ALDH5A1: variants seen among roughly 807,000 people sequenced by gnomAD.
ALDH5A1 encodes aldehyde dehydrogenase 5 family member A1, also known as succinate-semialdehyde dehydrogenase, mitochondrial.
ALDH5A1 carries 33 observed loss-of-function variants against 54.7 expected under a neutral mutation model. That is an observed-to-expected ratio of 0.60 (90% CI 0.46 to 0.81). The LOEUF (loss-of-function observed/expected upper bound fraction) is 0.81. Ranked by LOEUF, ALDH5A1 falls within the 30% of genes least tolerant of loss-of-function variation. The pLI is 0.00. For missense variants in ALDH5A1, 657 were observed against 711.0 expected (o/e 0.92, Z 0.86); for synonymous variants, 294 against 292.7 (o/e 1.00, Z -0.05).
At chr6:24,525,742 G>A (rs1399213008) in intron 7 of ALDH5A1, among the ~76,000 whole-genome samples, 1 of 152,082 alleles carries the variant, frequency 6.6e-6, no homozygotes, top group Non-Finnish European at 1.5e-5. Context: ...CTACCCAGGG[G>A]AACCCTGCAG....
In ALDH5A1 at chr6:24,499,620, G is replaced by A. The variant is rs1224599424; in HGVS notation, c.355-2903G>A. Among the ~76,000 whole-genome samples the A allele has an allele frequency of 2.0e-5, 3 of 151,072 alleles. 1 individual carries two copies. Among genetic ancestry groups the A allele is most frequent in the Non-Finnish European group, 4.4e-5 (3 of 67,850 alleles). On this transcript the variant is annotated intron_variant, in intron 1 of 9. Coordinates refer to ENST00000357578, the MANE Select transcript of ALDH5A1 (RefSeq NM_001080.3). ...CGATTCCCCCACCTCAGCCTTCTGA[G>A]TAGCTGGGACCACAAGCATGCACCA...
intron 4 of ALDH5A1, among the ~76,000 whole-genome samples, chr6:24,514,698 C>T (rs1252141621): frequency 2.0e-5 from 3 of 151,866 alleles, no homozygotes; most frequent in African/African-American, 7.3e-5. Context: ...CCAATGCACT[C>T]CAGCCTGGGT....
chr6:24,535,962 A>ATATT lies in ALDH5A1; in HGVS notation c.*2252_*2255dup, dbSNP rs1466382846. The ATATT allele has an allele frequency of 6.6e-6, 1 of 152,218 alleles. No homozygotes were observed. The highest frequency in any genetic ancestry group is 2.4e-5 in the African/African-American group (1 of 41,462). 9.4% of individuals were successfully genotyped at this position (152,218 alleles called of 1,614,324 possible). On this transcript the variant is annotated 3_prime_UTR_variant, in exon 10 of 10. Coordinates refer to ENST00000357578, the MANE Select transcript of ALDH5A1 (RefSeq NM_001080.3). Reference sequence around the variant, plus strand: ...GGTGGCAAATTTTGAGTCTTCTTGCATATTTGGCTCATGGGTTCATAAATT... The same window carrying ATATT: ...GGTGGCAAATTTTGAGTCTTCTTGCATATTTATTTGGCTCATGGGTTCATAAATT...
chr6:24,499,673 T>TC (rs980532309), intron 1 of ALDH5A1, among the ~76,000 whole-genome samples: 2 of 149,406 alleles, frequency 1.3e-5, no homozygotes, highest in African/African-American at 4.9e-5. Context: ...CTTTTCTTTT[T>TC]TTTTTTTTTT....
chr6:24,517,321 T>G (rs1383242593), intron 5 of ALDH5A1, among the ~76,000 whole-genome samples: 2 of 152,176 alleles, frequency 1.3e-5, no homozygotes, highest in African/African-American at 4.8e-5. Flanking sequence ...AATGTACTTT[T>G]AATGTCTCCC....
chr6:24,520,278 G>A (rs985072754), intron 5 of ALDH5A1, 123 bp from the exon 6 acceptor site: 1 of 1,081,320 alleles, frequency 9.2e-7, no homozygotes. Context: ...CTTATGCAAA[G>A]TTATCCCATG....
chr6:24,510,533 G>A (rs1414056282), intron 4 of ALDH5A1, among the ~76,000 whole-genome samples: 5 of 152,040 alleles, frequency 3.3e-5, no homozygotes, highest in African/African-American at 2.4e-5. Flanking sequence ...CCTGTTGAAC[G>A]AGGCCTTTTA....
intron 4 of ALDH5A1, among the ~76,000 whole-genome samples, chr6:24,506,242 C>CTTTTTTTTTT (rs1759349415): frequency 1.2e-5 from 1 of 85,456 alleles, no homozygotes; most frequent in Admixed American, 1.5e-4. Flanking sequence ...TTTCCTGGTT[C>CTTTTTTTTTT]CTTTTTTTTT....
intron 7 of ALDH5A1, among the ~76,000 whole-genome samples, chr6:24,523,154 T>C (rs1759735532): frequency 1.3e-5 from 2 of 152,000 alleles, no homozygotes; most frequent in Non-Finnish European, 2.9e-5. Flanking sequence ...GAAGAGTAGA[T>C]TTTGAACGTT....
intron 7 of ALDH5A1, among the ~76,000 whole-genome samples, chr6:24,526,964 A>ATG (rs1182158053): frequency 2.4e-3 from 40 of 16,772 alleles, no homozygotes; most frequent in East Asian, 0.011. Context: ...ATATATATAT[A>ATG]TGTGTGTGTG....
rs5874989 is a variant in ALDH5A1 at position 24,522,478 on chromosome 6, CGTGTGT to C, written c.1015-268_1015-263del. Reference sequence around the variant, plus strand: ...TGGGTGGCTTTTTTTTCTTTTCTTTCGTGTGTGTGTGTGTGTGTGTGTGTGTACAGG... The same window carrying C: ...TGGGTGGCTTTTTTTTCTTTTCTTTCGTGTGTGTGTGTGTGTGTGTACAGG... On this transcript the variant is annotated intron_variant, in intron 6 of 9. Transcript: ENST00000357578. 4.6e-3 allele frequency among the ~76,000 whole-genome samples: 625 copies of C among 134,604 alleles called. 3 individuals are homozygous for C. Among genetic ancestry groups the C allele is most frequent in the African/African-American group, 0.015 (558 of 37,938 alleles). The allele number at this position is 134,604 out of a possible 152,430, so 88.3% of individuals were successfully genotyped here.
At chr6:24,499,974 T>G (rs1561868277) in intron 1 of ALDH5A1, among the ~76,000 whole-genome samples, 1 of 123,720 alleles carries the variant, frequency 8.1e-6, no homozygotes, top group African/African-American at 3.2e-5. Context: ...CTCAGATAAT[T>G]TCTGTGTGTG....
intron 7 of ALDH5A1, among the ~76,000 whole-genome samples, chr6:24,524,281 A>G (rs945866886): frequency 6.6e-6 from 1 of 152,090 alleles, no homozygotes; most frequent in African/African-American, 2.4e-5. Flanking sequence ...CACCATGCCT[A>G]CCCAGAAATG....
chr6:24,496,554 G>C (rs968520879), intron 1 of ALDH5A1, among the ~76,000 whole-genome samples: 3 of 152,212 alleles, frequency 2.0e-5, no homozygotes, highest in Non-Finnish European at 4.4e-5. Context: ...GGTGTTGTCA[G>C]AGTTGGTTTC....
chr6:24,517,957 G>C (rs544954934), intron 5 of ALDH5A1, among the ~76,000 whole-genome samples: 1 of 152,356 alleles, frequency 6.6e-6, no homozygotes, highest in Admixed American at 6.5e-5. Flanking sequence ...CAGCAGCCAT[G>C]TTGTAAAGCA....
chr6:24,503,758 T>C (rs998088810), intron 3 of ALDH5A1, among the ~76,000 whole-genome samples: 4 of 152,228 alleles, frequency 2.6e-5, no homozygotes, highest in Admixed American at 2.6e-4. Context: ...CCAGTATTTA[T>C]CATTTTTAAA....
At chr6:24,516,297 G>T (rs977935389) in intron 5 of ALDH5A1, among the ~76,000 whole-genome samples, 1 of 151,512 alleles carries the variant, frequency 6.6e-6, no homozygotes, top group African/African-American at 2.4e-5. Flanking sequence ...TTAGCTGGGC[G>T]TGGTGGCGGG....
At chr6:24,521,540 A>T (rs1456915331) in intron 6 of ALDH5A1, among the ~76,000 whole-genome samples, 1 of 152,256 alleles carries the variant, frequency 6.6e-6, no homozygotes, top group African/African-American at 2.4e-5. Flanking sequence ...CTGAAAGGTT[A>T]TATTGTGAAA....
chr6:24,529,459 G>A (rs1346028422), intron 8 of ALDH5A1, among the ~76,000 whole-genome samples: 1 of 152,070 alleles, frequency 6.6e-6, no homozygotes. Context: ...GAGTCACCAC[G>A]CCCGGCCTCT....
Sources: gnomAD v4.1 joint callset for allele counts (sites outside exome capture counted in the v4.1 genomes callset) on GRCh38, gnomAD v4.1.1 for gene constraint, MANE v1.5 for transcripts, NCBI Gene and HGNC (gene_info 2026-07-23, HGNC 2026-07-21) for gene names.